Variants in APCDD1L observed in about 807,000 individuals in gnomAD.
The protein encoded by APCDD1L is APC down-regulated 1 like.
Under a neutral mutation model 24.2 loss-of-function variants are expected in APCDD1L, and 21 were observed. The observed-to-expected ratio is 0.87, with a 90% confidence interval of 0.61 to 1.25. The LOEUF is 1.25. Among genes scored for constraint, APCDD1L ranks in the 50% most tolerant of loss-of-function variants. APCDD1L has a pLI of 0.00. For synonymous variants in APCDD1L, 321 were observed against 323.6 expected (o/e 0.99, Z 0.09); for missense variants, 704 against 711.7 (o/e 0.99, Z 0.12).
chr20:58,487,814 T>C (rs1434022200), intron 1 of APCDD1L, among the ~76,000 whole-genome samples: 1 of 152,194 alleles, frequency 6.6e-6, no homozygotes, highest in East Asian at 1.9e-4. Flanking sequence ...GAGGGAAATG[T>C]TGACAAATCC....
At chr20:58,485,218 T>C (rs1305733127) in intron 1 of APCDD1L, among the ~76,000 whole-genome samples, 1 of 152,136 alleles carries the variant, frequency 6.6e-6, no homozygotes, top group African/African-American at 2.4e-5. Flanking sequence ...TGTCTTGGTA[T>C]AAATATTGTG....
intron 3 of APCDD1L, among the ~76,000 whole-genome samples, chr20:58,462,695 T>G (rs939414792): frequency 6.6e-6 from 1 of 151,876 alleles, no homozygotes; most frequent in African/African-American, 2.4e-5. Context: ...AATACAAAAA[T>G]TAGCCTGGTG....
chr20:58,502,739 A>G (rs1279160727), intron 1 of APCDD1L, among the ~76,000 whole-genome samples: 1 of 152,160 alleles, frequency 6.6e-6, no homozygotes, highest in Non-Finnish European at 1.5e-5. Flanking sequence ...AAAAAAAAAA[A>G]AGAAAAGAAC....
At position 58,497,925 on chromosome 20, in the gene APCDD1L, A is replaced by G. The variant is rs1293579584; in HGVS notation, c.49+16734T>C. 6.6e-6 allele frequency among the ~76,000 whole-genome samples: 1 copy of G among 152,214 alleles called. No homozygotes were observed. Among genetic ancestry groups the G allele is most frequent in the Non-Finnish European group, 1.5e-5 (1 of 68,034 alleles). ...TCAATCATTTCTCTCCCTTCTCGGC[A>G]GCAACAACCATTATCGGTTTGTGCA... is the stretch of plus-strand genomic sequence containing the variant. On this transcript the variant is annotated intron_variant, in intron 1 of 3. Coordinates refer to ENST00000371149, the MANE Select transcript of APCDD1L (RefSeq NM_153360.3). This position sits in a 1 kb window ranked among gnomAD's most constrained non-coding sequence, Gnocchi z 4.3.
chr20:58,500,742 C>T (rs180789755), intron 1 of APCDD1L, among the ~76,000 whole-genome samples: 1 of 152,184 alleles, frequency 6.6e-6, no homozygotes, highest in Admixed American at 6.5e-5. Flanking sequence ...ATCCTTCCTC[C>T]AGGCCACACC....
At position 58,467,453 on chromosome 20, in the gene APCDD1L, C is replaced by T. The variant is rs548804159; in HGVS notation, c.394G>A (p.Val132Met). Residue 132 changes from valine to methionine, a missense_variant, in exon 3 of 4, where the codon GTG becomes ATG. Physicochemically the swap from Val to Met is conservative, Grantham distance 21. Transcript: ENST00000371149. This position sits in a 1 kb window ranked among gnomAD's most constrained non-coding sequence, Gnocchi z 5.9. ...CGGCGGCTGTGGAAGACGATGCCCA[C>T]CTTGTGCAGGTGGTAGTCGGCCTCG... is the stretch of plus-strand genomic sequence containing the variant. ...ATEADYHLHKVGIVFHSRRAL... is the reference protein window; with the variant it reads ...ATEADYHLHKMGIVFHSRRAL... 6.9e-5 allele frequency: 110 copies of T among 1,590,960 alleles called. No individual in the cohort carries two copies. In the South Asian group the frequency reaches 1.3e-3, roughly 18 times the overall value.
chr20:58,470,217 A>G (rs913689352), intron 2 of APCDD1L, among the ~76,000 whole-genome samples: 1 of 152,202 alleles, frequency 6.6e-6, no homozygotes, highest in African/African-American at 2.4e-5. Context: ...ATCACTCTCT[A>G]AAGAACCCTC....
chr20:58,465,001 G>A (rs1204747498), intron 3 of APCDD1L, among the ~76,000 whole-genome samples: 1 of 152,100 alleles, frequency 6.6e-6, no homozygotes, highest in Non-Finnish European at 1.5e-5. Flanking sequence ...GGTCACCCAG[G>A]TTGGCCGGGC....
At chr20:58,490,785 C>T (rs1990211164) in intron 1 of APCDD1L, among the ~76,000 whole-genome samples, 1 of 152,170 alleles carries the variant, frequency 6.6e-6, no homozygotes, top group Non-Finnish European at 1.5e-5. Context: ...TCTTGCAAGA[C>T]AGAGACCCTG....
chr20:58,507,234 C>A (rs1280425581), intron 1 of APCDD1L, among the ~76,000 whole-genome samples: 1 of 152,210 alleles, frequency 6.6e-6, no homozygotes, highest in Non-Finnish European at 1.5e-5. Context: ...ATGTGACTTG[C>A]TCCTCCTTAC....
intron 1 of APCDD1L, among the ~76,000 whole-genome samples, chr20:58,474,532 T>G (rs933093650): frequency 4.6e-5 from 7 of 152,094 alleles, no homozygotes; most frequent in African/African-American, 1.7e-4. Context: ...GGTGAAACCC[T>G]GTTTATACTA....
intron 1 of APCDD1L, among the ~76,000 whole-genome samples, chr20:58,499,609 C>G (rs915454371): frequency 2.2e-4 from 33 of 152,234 alleles, no homozygotes; most frequent in Admixed American, 1.2e-3. Context: ...GCTCCTTCCT[C>G]CCTCCATCCA....
intron 1 of APCDD1L, among the ~76,000 whole-genome samples, chr20:58,487,992 G>C (rs1277569281): frequency 6.6e-6 from 1 of 152,142 alleles, no homozygotes; most frequent in Non-Finnish European, 1.5e-5. Flanking sequence ...GTGTATGCAA[G>C]TGTGTTGTGT....
In APCDD1L at chr20:58,467,171, T is replaced by C. The variant is rs961279320; in HGVS notation, c.676A>G (p.Thr226Ala). The C allele has an allele frequency of 1.9e-6, 3 of 1,607,204 alleles. No homozygotes were observed. Among genetic ancestry groups the C allele is most frequent in the East Asian group, 4.5e-5 (2 of 44,804 alleles). ...TAGTGCCGCCTCTCCGCCGGGTCGGTGTGGATGTCCCCCAGGTACAGCTCC... is the reference window on the plus strand; with the variant it reads ...TAGTGCCGCCTCTCCGCCGGGTCGGCGTGGATGTCCCCCAGGTACAGCTCC... ...VEELYLGDIH[T>A]DPAERRHYRP... The change falls in exon 3 of 4, where the codon ACC (threonine) becomes GCC (alanine). Residue 226 changes from threonine to alanine, a missense_variant. Coordinates refer to ENST00000371149, the MANE Select transcript of APCDD1L (RefSeq NM_153360.3). This position sits in a 1 kb window ranked among gnomAD's most constrained non-coding sequence, Gnocchi z 5.9.
chr20:58,488,138 G>C (rs547648727), intron 1 of APCDD1L, among the ~76,000 whole-genome samples: 1 of 152,184 alleles, frequency 6.6e-6, no homozygotes, highest in Non-Finnish European at 1.5e-5. Flanking sequence ...TAAATTGAGT[G>C]CTGTTCTGAG....
chr20:58,502,021 C>T (rs1162666272), intron 1 of APCDD1L, among the ~76,000 whole-genome samples: 3 of 152,188 alleles, frequency 2.0e-5, no homozygotes, highest in Non-Finnish European at 1.5e-5. Context: ...ATCTAATAGC[C>T]CACCTCCCTG....
chr20:58,460,800 T>C lies in APCDD1L; in HGVS notation c.1496A>G (p.His499Arg). 6.6e-7 allele frequency: 1 copy of C among 1,521,660 alleles called. No homozygotes were observed. The highest frequency in any genetic ancestry group is 8.8e-7 in the Non-Finnish European group (1 of 1,134,840). 94.3% of individuals were successfully genotyped at this position (1,521,660 alleles called of 1,614,324 possible). A position where few individuals can be genotyped will look rare whatever the true frequency, so the allele number is the denominator to read the frequency against. ...ATGTCAAGTCCAATGTCATAGCCAG[T>C]GGAGGAAGGCCAGCCCTAGAACTAG... is the stretch of plus-strand genomic sequence containing the variant. ...LPLVLGLAFL[H>R]WL Residue 499 changes from histidine to arginine, a missense_variant, in exon 4 of 4, where the codon CAC (histidine) becomes CGC (arginine). Transcript: ENST00000371149. The surrounding 1 kb of genome is among the most constrained non-coding windows in gnomAD (Gnocchi z 4.2).
At chr20:58,509,013 T>TGC (rs1446130428) in intron 1 of APCDD1L, among the ~76,000 whole-genome samples, 4 of 151,896 alleles carry the variant, frequency 2.6e-5, no homozygotes, top group African/African-American at 9.7e-5. Context: ...TGTGTGTGTG[T>TGC]GTGTGGAGTC....
chr20:58,503,371 TTAAAGCTGA>T (rs1476489767), intron 1 of APCDD1L, among the ~76,000 whole-genome samples: 2 of 152,316 alleles, frequency 1.3e-5, no homozygotes, highest in Admixed American at 1.3e-4. Flanking sequence ...CAGAATTTGG[TTAAAGCTGA>T]TGGGCCAAAC....
Sources: gnomAD v4.1 joint callset for allele counts (sites outside exome capture counted in the v4.1 genomes callset) on GRCh38, gnomAD v4.1.1 for gene constraint, Gnocchi (gnomAD v3.1) non-coding constraint, MANE v1.5 for transcripts, NCBI Gene and HGNC (gene_info 2026-07-23, HGNC 2026-07-21) for gene names.